MAN2A2: variants seen among roughly 807,000 people sequenced by gnomAD.
MAN2A2 encodes the protein alpha-mannosidase 2x.
In MAN2A2, 79 loss-of-function variants were observed where a neutral mutation model predicts 126.8. The ratio of observed to expected loss-of-function variants is 0.62; its 90% confidence interval spans 0.52 to 0.75. The LOEUF (loss-of-function observed/expected upper bound fraction) is 0.75, where lower values mean the gene tolerates loss of function less well. MAN2A2 is among the 30% of genes least tolerant of loss of function. The probability of loss-of-function intolerance (pLI) is 0.00; values close to 1 mark genes in which losing one functional copy is unlikely to be tolerated. For synonymous variants in MAN2A2, 671 were observed against 618.7 expected, an observed-to-expected ratio of 1.08 and a Z score of -1.25; for missense variants, 1,392 against 1,522.4, an observed-to-expected ratio of 0.91 and a Z score of 1.43.
In MAN2A2 at chr15:90,905,265, G is replaced by T; in HGVS notation, c.147G>T (p.Val49=). 1 of 1,612,796 alleles carries T rather than the reference G, an allele frequency of 6.2e-7. No individual in the cohort carries two copies. The highest frequency in any genetic ancestry group is 1.7e-5 in the Admixed American group (1 of 60,020). Reference sequence around the variant, plus strand: ...TTTTTTGGCAGAGCCAAATTTCTGTGCTGCAGAACCGCATTGAGCAGCTGG... The same window carrying T: ...TTTTTTGGCAGAGCCAAATTTCTGTTCTGCAGAACCGCATTGAGCAGCTGG... The part of the protein sequence containing the change: ...GGNFPRSQIS[V]LQNRIEQLEQ... The change falls in exon 3 of 23, where the codon GTG becomes GTT. Residue 49 remains valine (V), a synonymous_variant. Coordinates refer to ENST00000559717, the MANE Select transcript of MAN2A2 (RefSeq NM_006122.4).
At chr15:90,911,009 C>A in intron 12 of MAN2A2, 48 bp downstream of exon 12, 2 of 1,551,552 alleles carry the variant, frequency 1.3e-6, no homozygotes, top group Middle Eastern at 1.7e-4. Context: ...GTGTGCAGGT[C>A]CCATCCCAAG....
At chr15:90,911,693 C>A in intron 14 of MAN2A2, 143 bp downstream of exon 14, 1 of 916,378 alleles carries the variant, frequency 1.1e-6, no homozygotes, top group Non-Finnish European at 1.6e-6. Flanking sequence ...AGGGGGTTGT[C>A]CAGAAGACAG....
chr15:90,911,267 G>A, intron 13 of MAN2A2, 29 bp downstream of exon 13: 1 of 1,613,700 alleles, frequency 6.2e-7, no homozygotes, highest in South Asian at 1.1e-5. Flanking sequence ...TGTGCAGAGA[G>A]GCAGAGCCAT....
rs757134692 is a variant in MAN2A2, at chr15:90,918,227, C to G, written c.3028C>G (p.Leu1010Val). ...TAGCCACTCTACCAGCTACCCATCC[C>G]TCCTCAGCCACCTGACCTCCATGTA... is the stretch of plus-strand genomic sequence containing the variant. Reference protein sequence around the residue: ...QDSHSTSYPSLLSHLTSMYLN... With the variant: ...QDSHSTSYPSVLSHLTSMYLN... Residue 1010 changes from leucine (L) to valine (V), a missense_variant, in exon 21 of 23, where the codon CTC becomes GTC. Leu to Val is a conservative substitution (Grantham distance 32). Coordinates refer to ENST00000559717, the MANE Select transcript of MAN2A2 (RefSeq NM_006122.4). The G allele has an allele frequency of 4.3e-6, 7 of 1,613,942 alleles. No homozygotes were observed. The East Asian group carries it at 1.6e-4, about 36-fold the overall frequency.
intron 12 of MAN2A2, 102 bp downstream of exon 12, chr15:90,911,063 C>A: frequency 6.8e-7 from 1 of 1,479,092 alleles, no homozygotes; most frequent in Non-Finnish European, 9.4e-7. Flanking sequence ...CTTCCCCATC[C>A]GGATGAGTTC....
rs756574621 is a variant in MAN2A2, at chr15:90,907,504, T to C, written c.1196+9T>C. 1.2e-6 allele frequency: 2 copies of C among 1,605,376 alleles called. No individual in the cohort carries two copies. The highest frequency in any genetic ancestry group is 2.2e-5 in the South Asian group (2 of 90,954). ...GCCAACGTGGCAGAGAGGTATCTGC[T>C]TCCAGCCCTTTCACTTCACAGAGGA... On this transcript the variant is annotated intron_variant, in intron 8 of 22. Coordinates refer to ENST00000559717, the MANE Select transcript of MAN2A2 (RefSeq NM_006122.4).
chr15:90,917,287 G>T (rs1018235873), intron 20 of MAN2A2, among the ~76,000 whole-genome samples: 1 of 152,338 alleles, frequency 6.6e-6, no homozygotes, highest in East Asian at 1.9e-4. Flanking sequence ...AGAGTGCTAG[G>T]GGGAGATCAG....
At position 90,910,912 on chromosome 15, in the gene MAN2A2, G is replaced by C; in HGVS notation, c.1826G>C (p.Gly609Ala). The C allele has an allele frequency of 6.2e-7, 1 of 1,614,150 alleles. No homozygotes were observed. The highest frequency in any genetic ancestry group is 8.5e-7 in the Non-Finnish European group (1 of 1,180,022). The part of the protein sequence containing the change: ...IIHAAHYLVL[G>A]DKETYHFDPE... ...CATGCAGCCCACTATCTGGTGCTGG[G>C]GGACAAGGAGACCTACCACTTTGAC... The change falls in exon 12 of 23, where the codon GGG becomes GCG. Residue 609 changes from glycine (G) to alanine (A), a missense_variant. Transcript: ENST00000559717.
chr15:90,911,338 T>C, intron 13 of MAN2A2, 47 bp from the exon 14 acceptor site: 1 of 1,613,392 alleles, frequency 6.2e-7, no homozygotes. Context: ...GCGCTTGCCC[T>C]GGTCGGAAGC....
intron 19 of MAN2A2, among the ~76,000 whole-genome samples, chr15:90,915,707 G>A (rs2035115111): frequency 6.6e-6 from 1 of 152,174 alleles, no homozygotes; most frequent in African/African-American, 2.4e-5. Context: ...TGCCCAACCT[G>A]AGCAAACCTG....
At chr15:90,919,255 G>A (rs1206333043) in intron 22 of MAN2A2, among the ~76,000 whole-genome samples, 1 of 152,222 alleles carries the variant, frequency 6.6e-6, no homozygotes, top group Non-Finnish European at 1.5e-5. Flanking sequence ...GTGTAAGAAG[G>A]CATGGTGTTG....
chr15:90,918,387 A>T lies in MAN2A2; in HGVS notation c.3188A>T (p.Glu1063Val), dbSNP rs750268285. Reference sequence around the variant, plus strand: ...CTCAACCTACGTACGCTCCAGGCTGAGGTGAGTGTCCCTCAGCGTGACATG... The same window carrying T: ...CTCAACCTACGTACGCTCCAGGCTGTGGTGAGTGTCCCTCAGCGTGACATG... The part of the protein sequence containing the change: ...HLLNLRTLQA[E>V]EDTLPSAETA... Residue 1063 changes from glutamate (E) to valine (V), a missense_variant and splice_region_variant, in exon 21 of 23, where the codon GAG becomes GTG. Transcript: ENST00000559717. The T allele has an allele frequency of 3.1e-6, 5 of 1,612,854 alleles. No homozygotes were observed. The East Asian group carries it at 1.1e-4, about 36-fold the overall frequency.
intron 20 of MAN2A2, chr15:90,916,554 C>A: frequency 7.1e-7 from 1 of 1,400,150 alleles, no homozygotes; most frequent in Non-Finnish European, 9.4e-7. Flanking sequence ...GCTCCAACCC[C>A]GCTCATCTCA....
At chr15:90,912,782 C>T in intron 16 of MAN2A2, 95 bp from the exon 17 acceptor site, 5 of 1,560,834 alleles carry the variant, frequency 3.2e-6, no homozygotes, top group Non-Finnish European at 4.4e-6. Context: ...CCAGGGGTGT[C>T]TGGGAATAGG....
At position 90,911,439 on chromosome 15, in the gene MAN2A2, G is replaced by C. The variant is rs764091205; in HGVS notation, c.1998G>C (p.Leu666=). 2 of 1,614,226 alleles carry C rather than the reference G, an allele frequency of 1.2e-6. No homozygotes were observed. Among genetic ancestry groups the C allele is most frequent in the South Asian group, 2.2e-5 (2 of 91,084 alleles). ...AGGAGCGATTCAGCATGGTGTCCCTGCTGGTCAACTCTCCCCGCGTGCGTG... is the reference window on the plus strand; with the variant it reads ...AGGAGCGATTCAGCATGGTGTCCCTCCTGGTCAACTCTCCCCGCGTGCGTG... The part of the protein sequence containing the change: ...LEQERFSMVS[L]LVNSPRVRVL... The change falls in exon 14 of 23, where the codon CTG becomes CTC. Residue 666 remains leucine (L), a synonymous_variant. Transcript: ENST00000559717.
rs190241540 is a variant in MAN2A2 at position 90,916,342 on chromosome 15, G to A, written c.2994+86G>A. The A allele has an allele frequency of 2.8e-3, 4,163 of 1,510,628 alleles. 9 individuals carry two copies. The highest frequency in any genetic ancestry group is 3.5e-3 in the Admixed American group (186 of 52,956). The allele number at this position is 1,510,628 out of a possible 1,614,324, so 93.6% of individuals were successfully genotyped here. A position where few individuals can be genotyped will look rare whatever the true frequency, so the allele number is the denominator to read the frequency against. On this transcript the variant is annotated intron_variant, in intron 20 of 22. Coordinates refer to ENST00000559717, the MANE Select transcript of MAN2A2 (RefSeq NM_006122.4). Reference sequence around the variant, plus strand: ...GGGTCCAGCCTAGGGCTCGAGGAGCGTAGTTGGAGGTGGGCAAGAGAGAGA... The same window carrying A: ...GGGTCCAGCCTAGGGCTCGAGGAGCATAGTTGGAGGTGGGCAAGAGAGAGA...
At position 90,907,385 on chromosome 15, in the gene MAN2A2, A is replaced by G. The variant is rs2151297690; in HGVS notation, c.1086A>G (p.Pro362=). The G allele has an allele frequency of 6.2e-7, 1 of 1,614,126 alleles. No individual in the cohort carries two copies. The highest frequency in any genetic ancestry group is 8.5e-7 in the Non-Finnish European group (1 of 1,179,992). Reference sequence around the variant, plus strand: ...ATGACGTCCCCCATACCTGTGGCCCAGATCCCAAGATCTGCTGCCAATTTG... The same window carrying G: ...ATGACGTCCCCCATACCTGTGGCCCGGATCCCAAGATCTGCTGCCAATTTG... ...YSYDVPHTCG[P]DPKICCQFDF... The change falls in exon 8 of 23, where the codon CCA becomes CCG. Residue 362 remains proline (P), a synonymous_variant. Transcript: ENST00000559717.
intron 6 of MAN2A2, 26 bp from the exon 7 acceptor site, chr15:90,906,714 C>T (rs1343001584): frequency 6.2e-7 from 1 of 1,607,536 alleles, no homozygotes; most frequent in East Asian, 2.2e-5. Flanking sequence ...TGTTCAGGGC[C>T]TCTCTGGCTT....
chr15:90,910,793 A>C, intron 11 of MAN2A2, 54 bp from the exon 12 acceptor site: 2 of 1,598,140 alleles, frequency 1.3e-6, no homozygotes, highest in Non-Finnish European at 1.7e-6. Context: ...CTGACAAGGC[A>C]GACAGCTTCC....
Sources: allele counts gnomAD v4.1 joint callset (sites outside exome capture counted in the v4.1 genomes callset), GRCh38; gene constraint gnomAD v4.1.1; transcripts MANE v1.5; gene names NCBI Gene and HGNC (gene_info 2026-07-23, HGNC 2026-07-21).